ACTR2: variants seen among roughly 807,000 people sequenced by gnomAD.
The protein encoded by ACTR2 is actin-related protein 2.
In ACTR2, 5 loss-of-function variants were observed where a neutral mutation model predicts 50.2. The ratio of observed to expected loss-of-function variants is 0.10; its 90% CI spans 0.05 to 0.21. ACTR2 has a LOEUF of 0.21. Ranked by LOEUF, ACTR2 falls within the 10% of genes least tolerant of loss-of-function variation. ACTR2 has a pLI of 1.00. For missense variants in ACTR2, 180 were observed against 480.6 expected (o/e 0.37, Z 5.85); for synonymous variants, 140 against 162.9 (o/e 0.86, Z 1.07).
chr2:65,237,862 C>G (rs1438332845), intron 1 of ACTR2, among the ~76,000 whole-genome samples: 1 of 152,098 alleles, frequency 6.6e-6, no homozygotes, highest in African/African-American at 2.4e-5. Flanking sequence ...CACCTGTAGT[C>G]CCAGCTACTC....
chr2:65,258,114 C>T (rs1222417003), intron 6 of ACTR2, among the ~76,000 whole-genome samples: 1 of 152,140 alleles, frequency 6.6e-6, no homozygotes, highest in Non-Finnish European at 1.5e-5. Context: ...GAGATTCCTT[C>T]CTGAAGTCTT....
chr2:65,260,657 G>C (rs1672250424), intron 6 of ACTR2, among the ~76,000 whole-genome samples: 1 of 151,772 alleles, frequency 6.6e-6, no homozygotes, highest in Non-Finnish European at 1.5e-5. Flanking sequence ...TTTCTGCTTT[G>C]CTGCAAACAT....
At chr2:65,261,022 G>A (rs575760550) in intron 6 of ACTR2, among the ~76,000 whole-genome samples, 9 of 152,160 alleles carry the variant, frequency 5.9e-5, no homozygotes, top group Admixed American at 5.2e-4. Flanking sequence ...GAGCCACCAC[G>A]CCCAGCCTGG....
intron 6 of ACTR2, among the ~76,000 whole-genome samples, chr2:65,260,872 A>G (rs935161028): frequency 2.6e-5 from 4 of 151,254 alleles, no homozygotes; most frequent in African/African-American, 4.9e-5. Context: ...CTGGGACTAT[A>G]GGCGCCCGCC....
At chr2:65,245,721 T>C (rs1671924456) in intron 2 of ACTR2, among the ~76,000 whole-genome samples, 1 of 152,206 alleles carries the variant, frequency 6.6e-6, no homozygotes, top group African/African-American at 2.4e-5. Flanking sequence ...TCCTTACTTA[T>C]TATATATAGA....
At position 65,239,803 on chromosome 2, in the gene ACTR2, A is replaced by G. The variant is rs771262799; in HGVS notation, c.49-49A>G. 12 of 1,112,092 alleles carry G rather than the reference A, an allele frequency of 1.1e-5. No individual in the cohort carries two copies. The African/African-American group carries it at 1.4e-4, about 13-fold the overall frequency. 68.9% of individuals were successfully genotyped at this position (1,112,092 alleles called of 1,614,324 possible). ...TTTTTCAGATGCTGTCTTAAAATAT[A>G]GTAAATATCCTGATGCTAACCCACT... is the stretch of plus-strand genomic sequence containing the variant. On this transcript the variant is annotated intron_variant, in intron 1 of 8. Coordinates refer to ENST00000260641, the MANE Select transcript of ACTR2 (RefSeq NM_005722.4).
chr2:65,254,724 G>A (rs1176593970), intron 5 of ACTR2, among the ~76,000 whole-genome samples: 1 of 152,188 alleles, frequency 6.6e-6, no homozygotes, highest in Non-Finnish European at 1.5e-5. Context: ...TCTGTCAGTG[G>A]TGCTGCTATT....
intron 2 of ACTR2, among the ~76,000 whole-genome samples, chr2:65,240,701 C>G (rs940166723): frequency 2.2e-4 from 33 of 152,172 alleles, no homozygotes; most frequent in African/African-American, 7.7e-4. Context: ...GCTTTAAGTT[C>G]TTCAGGTGAC....
At chr2:65,255,784 G>C (rs1056994370) in intron 6 of ACTR2, 90 bp downstream of exon 6, 1 of 1,251,794 alleles carries the variant, frequency 8.0e-7, no homozygotes, top group African/African-American at 1.5e-5. Context: ...CTTAGAATCA[G>C]TATTTTTGTC....
At chr2:65,235,776 C>T (rs1484597900) in intron 1 of ACTR2, among the ~76,000 whole-genome samples, 1 of 151,920 alleles carries the variant, frequency 6.6e-6, no homozygotes, top group Non-Finnish European at 1.5e-5. Flanking sequence ...ATAAAATAAT[C>T]CAAAAGAATT....
intron 2 of ACTR2, chr2:65,242,583 T>C: frequency 2.2e-6 from 1 of 465,000 alleles, no homozygotes. Context: ...AAAAGAGAAT[T>C]CTTTCCATAT....
intron 2 of ACTR2, among the ~76,000 whole-genome samples, chr2:65,243,266 G>T (rs1671875342): frequency 1.3e-5 from 2 of 152,106 alleles, no homozygotes; most frequent in Admixed American, 1.3e-4. Context: ...GCAAGAGTGA[G>T]ACTCCATCTC....
Position 65,253,750 on chromosome 2 carries a change from A to G in ACTR2, c.471A>G (p.Val157=). ...YAQGLLTGVV[V]DSGDGVTHIC... ...CAGGTTTATTGACTGGTGTAGTGGT[A>G]GACTCTGGAGATGGTGTGACTCACA... The change falls in exon 5 of 9, where the codon GTA becomes GTG. Residue 157 remains valine, a synonymous_variant. Coordinates refer to ENST00000260641, the MANE Select transcript of ACTR2 (RefSeq NM_005722.4). The G allele has an allele frequency of 6.2e-7, 1 of 1,613,980 alleles. No individual in the cohort carries two copies.
At chr2:65,263,560 A>G (rs913082919) in intron 7 of ACTR2, among the ~76,000 whole-genome samples, 1 of 152,206 alleles carries the variant, frequency 6.6e-6, no homozygotes, top group Non-Finnish European at 1.5e-5. Context: ...TTTTGATGGG[A>G]TGGCTTTGGA....
intron 7 of ACTR2, among the ~76,000 whole-genome samples, chr2:65,262,433 G>T (rs1672285957): frequency 6.6e-6 from 1 of 150,946 alleles, no homozygotes; most frequent in Non-Finnish European, 1.5e-5. Context: ...TAGAGATGGG[G>T]TTTTGCCGTA....
intron 5 of ACTR2, among the ~76,000 whole-genome samples, chr2:65,254,732 A>G (rs1672115551): frequency 6.6e-6 from 1 of 152,214 alleles, no homozygotes; most frequent in Admixed American, 6.5e-5. Flanking sequence ...TGGTGCTGCT[A>G]TTAAGAAACC....
intron 7 of ACTR2, 95 bp downstream of exon 7, chr2:65,261,487 ATGAC>A: frequency 8.4e-7 from 1 of 1,194,782 alleles, no homozygotes. Context: ...ATTAAATAGA[ATGAC>A]TAAGTTTATA....
At chr2:65,264,969 A>G (rs1672345057) in intron 7 of ACTR2, 74 bp from the exon 8 acceptor site, 5 of 1,548,740 alleles carry the variant, frequency 3.2e-6, no homozygotes, top group African/African-American at 1.4e-5. Context: ...CGAGGCTGAC[A>G]TAAGTAACAG....
In ACTR2 at chr2:65,227,946, A is replaced by T; in HGVS notation, c.37A>T (p.Asn13Tyr). ...GGGCAGGAAGGTGGTGGTGTGCGAC[A>T]ACGGCACCGGGGTAAGGGCCGCGCG... ...SQGRKVVVCD[N>Y]GTGFVKCGYA... The change falls in exon 1 of 9, where the codon AAC becomes TAC. Residue 13 changes from asparagine (N) to tyrosine (Y), a missense_variant. Coordinates refer to ENST00000260641, the MANE Select transcript of ACTR2 (RefSeq NM_005722.4). The T allele has an allele frequency of 6.6e-7, 1 of 1,521,720 alleles. No homozygotes were observed. Among genetic ancestry groups the T allele is most frequent in the Non-Finnish European group, 8.8e-7 (1 of 1,135,690 alleles). 94.3% of individuals were successfully genotyped at this position (1,521,720 alleles called of 1,614,324 possible).
Sources: allele counts gnomAD v4.1 joint callset (sites outside exome capture counted in the v4.1 genomes callset), GRCh38; gene constraint gnomAD v4.1.1; transcripts MANE v1.5; gene names NCBI Gene and HGNC (gene_info 2026-07-23, HGNC 2026-07-21).